Variants in PIK3C2G observed in about 807,000 individuals in gnomAD.
PIK3C2G encodes phosphatidylinositol 3-kinase C2 domain-containing subunit gamma.
PIK3C2G carries 168 observed loss-of-function variants against 181.1 expected under a neutral mutation model. The observed-to-expected ratio is 0.93, with a 90% CI of 0.82 to 1.05. The LOEUF (loss-of-function observed/expected upper bound fraction) is 1.05, where lower values mean the gene tolerates loss of function less well. Among genes scored for constraint, PIK3C2G ranks in the 50% least tolerant of loss-of-function variants. PIK3C2G has a pLI of 0.00. For missense variants in PIK3C2G, 1,869 were observed against 1,732.8 expected (o/e 1.08, Z -1.40); for synonymous variants, 573 against 592.2 (o/e 0.97, Z 0.47).
At chr12:18,383,275 G>A (rs917517181) in intron 14 of PIK3C2G, among the ~76,000 whole-genome samples, 8 of 152,170 alleles carry the variant, frequency 5.3e-5, no homozygotes, top group African/African-American at 1.2e-4. Context: ...AAAAATGAGC[G>A]AATATGTAAT....
chr12:18,589,951 C>T (rs1336947610), intron 29 of PIK3C2G, among the ~76,000 whole-genome samples: 1 of 151,828 alleles, frequency 6.6e-6, no homozygotes, highest in East Asian at 1.9e-4. Flanking sequence ...CTGCCTGTAC[C>T]CCATCAGCAC....
chr12:18,710,016 T>C, the PIK3C2G span, among the ~76,000 whole-genome samples: 19 of 151,894 alleles, frequency 1.3e-4, no homozygotes, highest in Non-Finnish European at 2.8e-4. Context: ...GTTCTGCAAC[T>C]TTACTGAATT....
chr12:18,362,903 C>G lies in PIK3C2G; in HGVS notation c.1748+17C>G. On this transcript the variant is annotated intron_variant, in intron 12 of 32. Coordinates refer to ENST00000538779, the MANE Select transcript of PIK3C2G (RefSeq NM_001288772.2). ...GAATGAAACGTAAGTTTAATCTTTACTGTATCTGGATCATTTATGTAATAA... is the reference window on the plus strand; with the variant it reads ...GAATGAAACGTAAGTTTAATCTTTAGTGTATCTGGATCATTTATGTAATAA... The G allele has an allele frequency of 6.8e-7, 1 of 1,473,354 alleles. No individual in the cohort carries two copies. The highest frequency in any genetic ancestry group is 9.0e-7 in the Non-Finnish European group (1 of 1,113,950). 91.3% of individuals were successfully genotyped at this position (1,473,354 alleles called of 1,614,324 possible).
chr12:18,705,056 A>C, the PIK3C2G span: 2 of 1,376,718 alleles, frequency 1.5e-6, no homozygotes, highest in South Asian at 2.3e-5. Context: ...ATACGTGATC[A>C]AAACTAAGCA....
At chr12:18,417,864 C>T (rs1945268198) in intron 16 of PIK3C2G, among the ~76,000 whole-genome samples, 1 of 151,990 alleles carries the variant, frequency 6.6e-6, no homozygotes, top group Admixed American at 6.6e-5. Flanking sequence ...CCCTCTCTTT[C>T]ATTGCCTTCA....
chr12:18,352,285 T>C (rs74665810), intron 11 of PIK3C2G, among the ~76,000 whole-genome samples: 2 of 152,350 alleles, frequency 1.3e-5, no homozygotes, highest in Non-Finnish European at 2.9e-5. Flanking sequence ...TATACTTCAG[T>C]GTACTTCATC....
rs750591238 is a variant in PIK3C2G at position 18,467,345 on chromosome 12, CA to C, written c.2505-21100del. Among the ~76,000 whole-genome samples the C allele has an allele frequency of 2.0e-5, 3 of 151,976 alleles. No individual in the cohort carries two copies. In the South Asian group the frequency reaches 6.2e-4, roughly 32 times the overall value. ...ACCCAACACACAAAATGTTAACCTCCAAAACCACAAAGCAAGCATGCAAAGG... is the reference window on the plus strand; with the variant it reads ...ACCCAACACACAAAATGTTAACCTCCAAACCACAAAGCAAGCATGCAAAGG... On this transcript the variant is annotated intron_variant, in intron 18 of 32. Transcript: ENST00000538779.
chr12:18,325,201 A>AAC, intron 8 of PIK3C2G, 103 bp downstream of exon 8: 1 of 638,232 alleles, frequency 1.6e-6, no homozygotes, highest in Admixed American at 3.0e-5. Flanking sequence ...AAAATGAATA[A>AAC]AACAGAGGAT....
chr12:18,694,553 A>C, the PIK3C2G span, among the ~76,000 whole-genome samples: 12 of 152,190 alleles, frequency 7.9e-5, no homozygotes, highest in Non-Finnish European at 1.5e-4. Context: ...GGTAAAATTC[A>C]TCAAAGGCGA....
chr12:18,524,093 A>G (rs1175045825), intron 24 of PIK3C2G, among the ~76,000 whole-genome samples: 2 of 152,280 alleles, frequency 1.3e-5, no homozygotes, highest in Middle Eastern at 3.4e-3. Flanking sequence ...AAATGAGCCC[A>G]GGTGGTTTAA....
At chr12:18,429,644 T>G (rs992974100) in intron 18 of PIK3C2G, among the ~76,000 whole-genome samples, 12 of 152,188 alleles carry the variant, frequency 7.9e-5, no homozygotes, top group Admixed American at 7.2e-4. Flanking sequence ...TGTCACACTC[T>G]TCCATGTACC....
chr12:18,549,702 C>A (rs1944623570), intron 26 of PIK3C2G, among the ~76,000 whole-genome samples: 1 of 152,004 alleles, frequency 6.6e-6, no homozygotes, highest in Non-Finnish European at 1.5e-5. Context: ...CTTTCTCAGG[C>A]ACTCATCCTT....
At chr12:18,696,305 A>T in the PIK3C2G span, 1 of 721,018 alleles carries the variant, frequency 1.4e-6, no homozygotes, top group South Asian at 1.7e-5. Context: ...AAGAATTCAA[A>T]TAAATTTAAA....
At chr12:18,665,436 T>C in the PIK3C2G span, among the ~76,000 whole-genome samples, 1 of 152,208 alleles carries the variant, frequency 6.6e-6, no homozygotes, top group African/African-American at 2.4e-5. Context: ...CAGTCATTGG[T>C]AATGTATTTT....
chr12:18,650,694 GTGTGTGTGTGTATATATCTATA>G (rs1565602318), downstream of PIK3C2G, among the ~76,000 whole-genome samples: 366 of 38,796 alleles, frequency 9.4e-3, 9 homozygotes, highest in South Asian at 0.02. Flanking sequence ...GTGTGTGTGT[GTGTGTGTGTGTATATATCTATA>G]TATATATATA....
intron 29 of PIK3C2G, among the ~76,000 whole-genome samples, chr12:18,592,621 G>C (rs1215129732): frequency 1.3e-5 from 2 of 151,898 alleles, no homozygotes; most frequent in African/African-American, 2.4e-5. Flanking sequence ...CCATAGGTTT[G>C]TTTGCATCAG....
chr12:18,722,722 C>A, the PIK3C2G span, among the ~76,000 whole-genome samples: 9 of 151,966 alleles, frequency 5.9e-5, no homozygotes, highest in Non-Finnish European at 1.3e-4. Context: ...TATGACAGAT[C>A]GTTAGCCTAA....
chr12:18,576,509 T>C (rs1304204072), intron 29 of PIK3C2G, among the ~76,000 whole-genome samples: 1 of 152,148 alleles, frequency 6.6e-6, no homozygotes, highest in Non-Finnish European at 1.5e-5. Context: ...AATAGTGTAA[T>C]AGGGAAACAG....
At chr12:18,693,326 C>A in the PIK3C2G span, 2 of 1,547,580 alleles carry the variant, frequency 1.3e-6, no homozygotes, top group African/African-American at 2.7e-5. Flanking sequence ...CCCAAGAGAC[C>A]TATGCAGATA....
Sources: allele counts gnomAD v4.1 joint callset (sites outside exome capture counted in the v4.1 genomes callset), GRCh38; gene constraint gnomAD v4.1.1; transcripts MANE v1.5; gene names NCBI Gene and HGNC (gene_info 2026-07-23, HGNC 2026-07-21).